The following ADGRL3 variants were observed in gnomAD, a reference collection of about 807,000 sequenced individuals.
The protein encoded by ADGRL3 is calcium-independent alpha-latrotoxin receptor 3.
ADGRL3 carries 62 observed loss-of-function variants against 153.5 expected under a neutral mutation model. The observed-to-expected ratio is 0.40, with a 90% CI of 0.33 to 0.50. The LOEUF (loss-of-function observed/expected upper bound fraction) is 0.50, where lower values mean the gene tolerates loss of function less well. Among genes scored for constraint, ADGRL3 ranks in the 20% least tolerant of loss-of-function variants. The pLI is 0.47. For synonymous variants in ADGRL3, 710 were observed against 672.5 expected, an observed-to-expected ratio of 1.06 and a Z score of -0.86; for missense variants, 1,641 against 1,859.4, an observed-to-expected ratio of 0.88 and a Z score of 2.16.
chr4:61,600,923 T>C (rs1366604569), intron 5 of ADGRL3, among the ~76,000 whole-genome samples: 1 of 152,208 alleles, frequency 6.6e-6, no homozygotes, highest in Non-Finnish European at 1.5e-5. Context: ...CAGTATAGAA[T>C]TCTGTTTCTG....
chr4:61,726,747 GA>G (rs1385644099), intron 6 of ADGRL3, among the ~76,000 whole-genome samples: 3 of 151,858 alleles, frequency 2.0e-5, no homozygotes, highest in East Asian at 1.9e-4. Context: ...ACATTGCAAG[GA>G]AAAAAATTGT....
intron 6 of ADGRL3, among the ~76,000 whole-genome samples, chr4:61,689,872 A>G (rs894260971): frequency 6.6e-6 from 1 of 152,104 alleles, no homozygotes; most frequent in African/African-American, 2.4e-5. Flanking sequence ...TTGGTTCTCA[A>G]ACTTCATGGT....
At chr4:61,425,302 C>T (rs184446721) in intron 2 of ADGRL3, 7 of 152,348 alleles carry the variant, frequency 4.6e-5, no homozygotes, top group African/African-American at 1.7e-4. Context: ...GCCCCCTATC[C>T]AAAGTTTACC....
At chr4:61,209,019 G>A (rs1476743706) in intron 1 of ADGRL3, among the ~76,000 whole-genome samples, 2 of 152,012 alleles carry the variant, frequency 1.3e-5, no homozygotes, top group African/African-American at 4.8e-5. Flanking sequence ...ACTTTTAAAT[G>A]AGACTTTGGC....
chr4:61,597,660 G>GTT (rs1329052851), intron 5 of ADGRL3, among the ~76,000 whole-genome samples: 1 of 135,550 alleles, frequency 7.4e-6, no homozygotes. Context: ...GTCGTTTTTT[G>GTT]TTTTTTTTTT....
intron 1 of ADGRL3, among the ~76,000 whole-genome samples, chr4:61,347,313 C>G (rs550642945): frequency 6.4e-4 from 96 of 150,708 alleles, no homozygotes; most frequent in Non-Finnish European, 1.3e-3. Context: ...AAATTTGATT[C>G]CCCCCAGCGA....
At chr4:61,745,873 TG>T in intron 8 of ADGRL3, among the ~76,000 whole-genome samples, 1 of 152,214 alleles carries the variant, frequency 6.6e-6, no homozygotes, top group South Asian at 2.1e-4. Flanking sequence ...TAACTTTAAA[TG>T]TAAATGGACT....
intron 9 of ADGRL3, among the ~76,000 whole-genome samples, chr4:61,847,355 A>G (rs2098129094): frequency 6.6e-6 from 1 of 150,948 alleles, no homozygotes; most frequent in Non-Finnish European, 1.5e-5. Context: ...GAAGTATTAT[A>G]CCAAGTTACA....
At chr4:61,647,361 G>C (rs572830298) in intron 5 of ADGRL3, among the ~76,000 whole-genome samples, 1 of 151,986 alleles carries the variant, frequency 6.6e-6, no homozygotes, top group Non-Finnish European at 1.5e-5. Flanking sequence ...ATTTACAGAC[G>C]AAAAAATTAA....
Position 62,070,895 on chromosome 4 carries a change from T to A in ADGRL3, c.4619T>A (p.Val1540Asp). 1.3e-6 allele frequency: 2 copies of A among 1,548,370 alleles called. No individual in the cohort carries two copies. Among genetic ancestry groups the A allele is most frequent in the Non-Finnish European group, 1.7e-6 (2 of 1,145,312 alleles). Residue 1540 changes from valine (V) to aspartate (D), a missense_variant, in exon 27 of 27, where the codon GTC (valine) becomes GAC (aspartate). Val to Asp is a radical substitution (Grantham distance 152). Transcript: ENST00000683033. ...AGTTCAAAAGGACCGGCTCATTTGG[T>A]CACTAGTCTATAGAAGATGACACAG... ...EGSSKGPAHL[V>D]TSL
chr4:61,777,423 A>T (rs1041694460), intron 8 of ADGRL3, among the ~76,000 whole-genome samples: 1 of 152,180 alleles, frequency 6.6e-6, no homozygotes. Context: ...CTTTTACTAC[A>T]TGTGATCCAA....
intron 1 of ADGRL3, among the ~76,000 whole-genome samples, chr4:61,295,194 G>A (rs999264384): frequency 6.6e-6 from 1 of 152,068 alleles, no homozygotes; most frequent in African/African-American, 2.4e-5. Context: ...TCCATTATCT[G>A]ATGAACTGTC....
chr4:61,436,651 C>T (rs1179499218), intron 2 of ADGRL3, among the ~76,000 whole-genome samples: 1 of 152,066 alleles, frequency 6.6e-6, no homozygotes, highest in Non-Finnish European at 1.5e-5. Context: ...TCATTTTAGG[C>T]AGTGAGAACA....
At chr4:61,966,685 C>T (rs1216512565) in intron 17 of ADGRL3, among the ~76,000 whole-genome samples, 1 of 151,952 alleles carries the variant, frequency 6.6e-6, no homozygotes, top group African/African-American at 2.4e-5. Flanking sequence ...CCAGAAAACT[C>T]TGTTTCAATG....
chr4:61,374,070 A>C (rs780529578), intron 1 of ADGRL3, among the ~76,000 whole-genome samples: 1 of 152,080 alleles, frequency 6.6e-6, no homozygotes, highest in Non-Finnish European at 1.5e-5. Flanking sequence ...CCTTATTATG[A>C]CTAGCTTGAA....
At chr4:62,022,609 A>C (rs1310957601) in intron 21 of ADGRL3, among the ~76,000 whole-genome samples, 1 of 152,088 alleles carries the variant, frequency 6.6e-6, no homozygotes, top group Non-Finnish European at 1.5e-5. Context: ...GTTAGGAGAT[A>C]ATGCAACTGG....
At chr4:61,655,382 A>T (rs907455046) in intron 5 of ADGRL3, among the ~76,000 whole-genome samples, 1 of 152,200 alleles carries the variant, frequency 6.6e-6, no homozygotes, top group Non-Finnish European at 1.5e-5. Context: ...GCACTTTAAT[A>T]AAAGCAAAAG....
intron 9 of ADGRL3, among the ~76,000 whole-genome samples, chr4:61,872,217 T>C (rs1228267678): frequency 6.6e-6 from 1 of 152,096 alleles, no homozygotes; most frequent in African/African-American, 2.4e-5. Flanking sequence ...GATGTGATGA[T>C]AAATAAGTCA....
chr4:61,721,743 C>T (rs1042342516), intron 6 of ADGRL3, among the ~76,000 whole-genome samples: 5 of 152,180 alleles, frequency 3.3e-5, no homozygotes, highest in Non-Finnish European at 7.4e-5. Flanking sequence ...ATCCTTTCCT[C>T]CCATCACTCC....
Sources: gnomAD v4.1 joint callset for allele counts (sites outside exome capture counted in the v4.1 genomes callset) on GRCh38, gnomAD v4.1.1 for gene constraint, MANE v1.5 for transcripts, NCBI Gene and HGNC (gene_info 2026-07-23, HGNC 2026-07-21) for gene names.